CACNA1E: variants seen among roughly 807,000 people sequenced by gnomAD.
The protein encoded by CACNA1E is calcium voltage-gated channel subunit alpha1 E, also known as voltage-dependent R-type calcium channel subunit alpha-1E.
A neutral mutation model predicts 259.2 loss-of-function variants in CACNA1E; 40 were observed. That is an observed-to-expected ratio of 0.15 (90% CI 0.12 to 0.20). CACNA1E has a LOEUF of 0.20. Ranked by LOEUF, CACNA1E falls within the 10% of genes least tolerant of loss-of-function variation. The pLI is 1.00. For synonymous variants in CACNA1E, 1,104 were observed against 1,138.5 expected (o/e 0.97, Z 0.61); for missense variants, 1,874 against 3,040.1 (o/e 0.62, Z 9.02).
chr1:181,608,574 C>T (rs1005149283), intron 6 of CACNA1E, among the ~76,000 whole-genome samples: 3 of 152,038 alleles, frequency 2.0e-5, no homozygotes, highest in Non-Finnish European at 2.9e-5. Context: ...TTGTGACCAC[C>T]GGTGAGAATG....
rs116899046 is a variant in CACNA1E, at chr1:181,657,218, G to T, written c.1055+5777G>T. On this transcript the variant is annotated intron_variant, in intron 7 of 47. Transcript: ENST00000367573. The stretch of plus-strand genomic sequence containing the variant: ...ATTTATGTTGCTGATGCCGAATTTT[G>T]ATATAGCCCCTTACAGTGCTGTGAT... 2.1e-4 allele frequency among the ~76,000 whole-genome samples: 32 copies of T among 152,182 alleles called. No individual in the cohort carries two copies. The East Asian group carries it at 6.2e-3, about 29-fold the overall frequency.
intron 17 of CACNA1E, among the ~76,000 whole-genome samples, 197 bp from the exon 18 acceptor site, chr1:181,725,849 CACGCTATAGCTGTGAGACT>C (rs888520579): frequency 3.3e-5 from 5 of 152,232 alleles, no homozygotes; most frequent in Non-Finnish European, 4.4e-5. Flanking sequence ...GATTGCTGGC[CACGCTATAGCTGTGAGACT>C]ACTGACTCCC....
intron 6 of CACNA1E, among the ~76,000 whole-genome samples, chr1:181,632,410 G>A (rs1008002645): frequency 6.6e-6 from 1 of 152,206 alleles, no homozygotes; most frequent in Non-Finnish European, 1.5e-5. Flanking sequence ...CATGGGGTGG[G>A]AGCAGGTGTT....
At chr1:181,774,847 A>G (rs1190207111) in intron 37 of CACNA1E, among the ~76,000 whole-genome samples, 1 of 152,164 alleles carries the variant, frequency 6.6e-6, no homozygotes, top group Non-Finnish European at 1.5e-5. Context: ...ACCAGTTGTT[A>G]TCTATCAGGC....
rs1648096171 is a variant in CACNA1E at position 181,665,178 on chromosome 1, CACA to C, written c.1055+13738_1055+13740del. Among the ~76,000 whole-genome samples the C allele has an allele frequency of 2.0e-5, 3 of 152,030 alleles. No homozygotes were observed. The South Asian group carries it at 6.2e-4, about 32-fold the overall frequency. On this transcript the variant is annotated intron_variant, in intron 7 of 47. Coordinates refer to ENST00000367573, the MANE Select transcript of CACNA1E (RefSeq NM_001205293.3). ...CTATACACACACACACACACACACA[CACA>C]TATACATCTATACATATGTACATAT...
At chr1:181,738,556 C>A (rs1355260936) in intron 24 of CACNA1E, 130 bp downstream of exon 24, 1 of 740,780 alleles carries the variant, frequency 1.3e-6, no homozygotes, top group African/African-American at 1.8e-5. Flanking sequence ...CTTCTGCCGC[C>A]CCTTCTCTGG....
chr1:181,662,810 C>T (rs892629789), intron 7 of CACNA1E, among the ~76,000 whole-genome samples: 2 of 152,182 alleles, frequency 1.3e-5, no homozygotes, highest in African/African-American at 4.8e-5. Flanking sequence ...GCTGACCATC[C>T]ATGGCACCCT....
chr1:181,741,461 A>G (rs1656565716), intron 25 of CACNA1E, among the ~76,000 whole-genome samples: 4 of 152,222 alleles, frequency 2.6e-5, no homozygotes, highest in Admixed American at 2.6e-4. Context: ...TTATCACATC[A>G]TGAAATCCAA....
Position 181,794,784 on chromosome 1 carries a change from A to G in CACNA1E, c.6028-80A>G, listed in dbSNP as rs1158119923. 2.6e-5 allele frequency: 34 copies of G among 1,325,794 alleles called. No individual in the cohort carries two copies. The Admixed American group carries it at 7.4e-4, about 29-fold the overall frequency. The allele number at this position is 1,325,794 out of a possible 1,614,324, so 82.1% of individuals were successfully genotyped here. A position where few individuals can be genotyped will look rare whatever the true frequency, so the allele number is the denominator to read the frequency against. ...TACAATTTGCCTTCCTTAACGTCTC[A>G]GTCTTGCTGCTTCTGTCCTTTTAGA... On this transcript the variant is annotated intron_variant, in intron 45 of 47. Coordinates refer to ENST00000367573, the MANE Select transcript of CACNA1E (RefSeq NM_001205293.3).
At chr1:181,768,220 T>C (rs191841457) in intron 35 of CACNA1E, among the ~76,000 whole-genome samples, 137 of 152,338 alleles carry the variant, frequency 9.0e-4, no homozygotes, top group African/African-American at 3.1e-3. Context: ...ATATTGTTGA[T>C]TCTGATAATG....
chr1:181,793,836 G>A lies in CACNA1E; in HGVS notation c.6027+43G>A, dbSNP rs564487082. The A allele has an allele frequency of 6.5e-5, 103 of 1,590,610 alleles. 1 individual carries two copies. In the African/African-American group the frequency reaches 1.3e-3, roughly 20 times the overall value. ...ACATTAATGCAGTGGCATCCGGGCT[G>A]TATTAGCTGGGTTATGGAATAATAT... On this transcript the variant is annotated intron_variant, in intron 45 of 47. Coordinates refer to ENST00000367573, the MANE Select transcript of CACNA1E (RefSeq NM_001205293.3).
intron 7 of CACNA1E, among the ~76,000 whole-genome samples, chr1:181,675,525 GGA>G (rs1649283085): frequency 6.6e-6 from 1 of 152,194 alleles, no homozygotes; most frequent in Non-Finnish European, 1.5e-5. Flanking sequence ...AGTTCATGGA[GGA>G]GAGAAGAGGA....
At chr1:181,357,707 G>T (rs1025842436) in intron 1 of CACNA1E, among the ~76,000 whole-genome samples, 1 of 152,074 alleles carries the variant, frequency 6.6e-6, no homozygotes, top group African/African-American at 2.4e-5. Flanking sequence ...AGGGTATTTG[G>T]TTTTTCTTGG....
In CACNA1E at chr1:181,800,723, C is replaced by T. The variant is rs1662209955; in HGVS notation, c.*1889C>T. The T allele has an allele frequency of 6.6e-6, 1 of 152,576 alleles. No individual in the cohort carries two copies. Among genetic ancestry groups the T allele is most frequent in the Admixed American group, 6.5e-5 (1 of 15,282 alleles). The allele number at this position is 152,576 out of a possible 1,614,324, so 9.5% of individuals were successfully genotyped here. A position where few individuals can be genotyped will look rare whatever the true frequency, so the allele number is the denominator to read the frequency against. On this transcript the variant is annotated 3_prime_UTR_variant, in exon 48 of 48. Coordinates refer to ENST00000367573, the MANE Select transcript of CACNA1E (RefSeq NM_001205293.3). ...ATTTTTCTTAGAAGGAGCCTCTTTT[C>T]CCTCTATTTTTTAAATTGAAATATA... is the stretch of plus-strand genomic sequence containing the variant.
chr1:181,353,027 G>C (rs1653157871), intron 1 of CACNA1E, among the ~76,000 whole-genome samples: 1 of 152,246 alleles, frequency 6.6e-6, no homozygotes, highest in East Asian at 1.9e-4. Flanking sequence ...CAGTCATGCT[G>C]CCCCAGCTTC....
chr1:181,583,582 A>G (rs758180682), intron 6 of CACNA1E, among the ~76,000 whole-genome samples: 8 of 152,070 alleles, frequency 5.3e-5, no homozygotes, highest in Non-Finnish European at 1.0e-4. Flanking sequence ...TGCTTCCCTC[A>G]TGTTTGCCTC....
At chr1:181,466,102 A>AT (rs1447413713) in intron 2 of CACNA1E, among the ~76,000 whole-genome samples, 3 of 152,104 alleles carry the variant, frequency 2.0e-5, no homozygotes, top group Non-Finnish European at 2.9e-5. Context: ...CTTGTTATCT[A>AT]TTTTTGCTGT....
At chr1:181,470,844 A>G (rs192664857) in intron 2 of CACNA1E, among the ~76,000 whole-genome samples, 1 of 152,246 alleles carries the variant, frequency 6.6e-6, no homozygotes, top group East Asian at 1.9e-4. Flanking sequence ...AACTCTCCTC[A>G]ACTAGTCTTA....
chr1:181,510,414 C>A, intron 1 of CACNA1E, 63 bp from the exon 2 acceptor site: 2 of 1,071,498 alleles, frequency 1.9e-6, no homozygotes, highest in South Asian at 1.3e-5. Context: ...TGTTTATGGG[C>A]ACGGCCATCT....
Sources: allele counts gnomAD v4.1 joint callset (sites outside exome capture counted in the v4.1 genomes callset), GRCh38; gene constraint gnomAD v4.1.1; transcripts MANE v1.5; gene names NCBI Gene and HGNC (gene_info 2026-07-23, HGNC 2026-07-21).